The following SGCZ variants were observed in gnomAD, a reference collection of about 807,000 sequenced individuals.
The protein encoded by SGCZ is sarcoglycan zeta, also known as zeta-sarcoglycan.
A neutral mutation model predicts 41.3 loss-of-function variants in SGCZ; 40 were observed. That is an observed-to-expected ratio of 0.97 (90% CI 0.75 to 1.26). The LOEUF is 1.26. SGCZ is among the 50% of genes most tolerant of loss of function. The probability of loss-of-function intolerance (pLI) is 0.00; values close to 1 mark genes in which losing one functional copy is unlikely to be tolerated. For missense variants in SGCZ, 552 were observed against 369.8 expected (o/e 1.49, Z -4.04); for synonymous variants, 206 against 137.5 (o/e 1.50, Z -3.49).
chr8:14,116,087 A>G (rs532304309), intron 5 of SGCZ, among the ~76,000 whole-genome samples: 43 of 152,170 alleles, frequency 2.8e-4, no homozygotes, highest in African/African-American at 1.0e-3. Flanking sequence ...ATGGAAAATA[A>G]AAATCAGTAA....
intron 2 of SGCZ, among the ~76,000 whole-genome samples, chr8:14,536,131 A>T (rs983541782): frequency 6.6e-6 from 1 of 151,942 alleles, no homozygotes; most frequent in Non-Finnish European, 1.5e-5. Context: ...TTTGTTTAGC[A>T]TATACATATG....
chr8:14,414,828 T>C (rs751662015), intron 2 of SGCZ, among the ~76,000 whole-genome samples: 12 of 151,978 alleles, frequency 7.9e-5, no homozygotes, highest in Non-Finnish European at 1.3e-4. Context: ...TAACAATTAT[T>C]AAACACCATG....
At chr8:14,996,250 A>G (rs1050798611) in intron 1 of SGCZ, among the ~76,000 whole-genome samples, 1 of 152,176 alleles carries the variant, frequency 6.6e-6, no homozygotes, top group Non-Finnish European at 1.5e-5. Flanking sequence ...ATACTAATCT[A>G]TATAAAAATG....
At chr8:14,139,570 A>G (rs1027083254) in intron 5 of SGCZ, among the ~76,000 whole-genome samples, 1 of 152,214 alleles carries the variant, frequency 6.6e-6, no homozygotes, top group Non-Finnish European at 1.5e-5. Context: ...CCTCTACACA[A>G]ATAAACTAGA....
At chr8:14,425,056 T>G (rs901071591) in intron 2 of SGCZ, among the ~76,000 whole-genome samples, 2 of 152,178 alleles carry the variant, frequency 1.3e-5, no homozygotes, top group Non-Finnish European at 2.9e-5. Context: ...CTTTCTACTT[T>G]TTTATTCCAT....
intron 1 of SGCZ, among the ~76,000 whole-genome samples, chr8:14,998,340 T>C (rs1024576505): frequency 6.6e-6 from 1 of 152,208 alleles, no homozygotes; most frequent in Non-Finnish European, 1.5e-5. Context: ...GAAAGTTACT[T>C]CTGAATACAG....
At chr8:14,544,601 G>T (rs1803568584) in intron 2 of SGCZ, among the ~76,000 whole-genome samples, 1 of 152,036 alleles carries the variant, frequency 6.6e-6, no homozygotes, top group African/African-American at 2.4e-5. Context: ...GGGAATGTCT[G>T]TCTTGTGCAG....
chr8:14,094,895 A>C (rs1179174812), intron 7 of SGCZ, among the ~76,000 whole-genome samples: 1 of 152,100 alleles, frequency 6.6e-6, no homozygotes, highest in African/African-American at 2.4e-5. Context: ...AATGATGAAG[A>C]GCTTTTTTTC....
chr8:14,098,041 G>C (rs961600640), intron 7 of SGCZ, among the ~76,000 whole-genome samples: 1 of 152,184 alleles, frequency 6.6e-6, no homozygotes, highest in East Asian at 1.9e-4. Flanking sequence ...CCTCCTCAAA[G>C]ATAGAATCAT....
At chr8:14,614,553 T>C (rs1806033737) in intron 1 of SGCZ, among the ~76,000 whole-genome samples, 1 of 152,190 alleles carries the variant, frequency 6.6e-6, no homozygotes, top group African/African-American at 2.4e-5. Flanking sequence ...TTTAATACTC[T>C]CCTTTTGTGA....
chr8:14,526,971 G>A (rs1802968592), intron 2 of SGCZ, among the ~76,000 whole-genome samples: 1 of 152,090 alleles, frequency 6.6e-6, no homozygotes, highest in African/African-American at 2.4e-5. Context: ...CTGCCGACTT[G>A]TACCAATTAA....
chr8:14,844,883 C>A (rs1427398307), intron 1 of SGCZ, among the ~76,000 whole-genome samples: 3 of 152,116 alleles, frequency 2.0e-5, no homozygotes, highest in Non-Finnish European at 4.4e-5. Context: ...CCTTACAATG[C>A]AAGTCTCATC....
chr8:15,153,565 G>A (rs2117023115), intron 1 of SGCZ, among the ~76,000 whole-genome samples: 1 of 152,056 alleles, frequency 6.6e-6, no homozygotes, highest in Non-Finnish European at 1.5e-5. Context: ...TTTGATCCCG[G>A]GGGTAGATCC....
chr8:14,840,641 T>A (rs1802870527), intron 1 of SGCZ, among the ~76,000 whole-genome samples: 1 of 152,068 alleles, frequency 6.6e-6, no homozygotes, highest in Admixed American at 6.5e-5. Flanking sequence ...ACTCTAACTA[T>A]CTTAACTTAG....
At chr8:14,808,298 T>C (rs945225747) in intron 1 of SGCZ, among the ~76,000 whole-genome samples, 1 of 151,930 alleles carries the variant, frequency 6.6e-6, no homozygotes, top group Non-Finnish European at 1.5e-5. Flanking sequence ...ACAGGCAACC[T>C]ACAAAATGGG....
intron 1 of SGCZ, among the ~76,000 whole-genome samples, chr8:15,236,001 A>G (rs1472164452): frequency 6.6e-6 from 1 of 152,236 alleles, no homozygotes; most frequent in East Asian, 1.9e-4. Context: ...CAGAGAGATA[A>G]GAGGAAACTT....
At chr8:14,106,918 G>C (rs547989613) in intron 6 of SGCZ, among the ~76,000 whole-genome samples, 1 of 151,976 alleles carries the variant, frequency 6.6e-6, no homozygotes, top group African/African-American at 2.4e-5. Flanking sequence ...CAAATCTTAC[G>C]TATTGAATTA....
At chr8:15,166,675 G>A (rs1799675030) in intron 1 of SGCZ, among the ~76,000 whole-genome samples, 3 of 152,178 alleles carry the variant, frequency 2.0e-5, no homozygotes, top group Admixed American at 1.3e-4. Context: ...TTTATGTTAA[G>A]ATATTGTAAA....
chr8:14,262,180 A>G (rs1015845069), intron 3 of SGCZ, among the ~76,000 whole-genome samples: 3 of 152,192 alleles, frequency 2.0e-5, no homozygotes, highest in Non-Finnish European at 2.9e-5. Context: ...CAGTTCTCCA[A>G]GTAAAACCAT....
Sources: allele counts gnomAD v4.1 joint callset (sites outside exome capture counted in the v4.1 genomes callset), GRCh38; gene constraint gnomAD v4.1.1; transcripts MANE v1.5; gene names NCBI Gene and HGNC (gene_info 2026-07-23, HGNC 2026-07-21).